RALYL: variants seen among roughly 807,000 people sequenced by gnomAD.
The protein encoded by RALYL is RNA-binding Raly-like protein.
RALYL carries 29 observed loss-of-function variants against 35.1 expected under a neutral mutation model. The observed-to-expected ratio is 0.83, with a 90% CI of 0.61 to 1.13. The LOEUF is 1.13. Ranked by LOEUF, RALYL falls within the 50% of genes most tolerant of loss-of-function variation. The pLI is 0.00. For missense variants in RALYL, 359 were observed against 360.4 expected (o/e 1.00, Z 0.03); for synonymous variants, 120 against 127.6 (o/e 0.94, Z 0.40).
chr8:84,731,385 C>G (rs767806888), intron 2 of RALYL, among the ~76,000 whole-genome samples: 5 of 152,086 alleles, frequency 3.3e-5, no homozygotes, highest in Admixed American at 1.3e-4. Context: ...GTAAAGTTTT[C>G]TGCTGTAAAA....
chr8:84,867,319 T>G (rs983352540), intron 6 of RALYL, among the ~76,000 whole-genome samples: 1 of 152,244 alleles, frequency 6.6e-6, no homozygotes, highest in Admixed American at 6.5e-5. Context: ...GTTATAGTTA[T>G]TTGTATGCAC....
chr8:84,800,771 G>T (rs1365081797), intron 3 of RALYL, among the ~76,000 whole-genome samples: 1 of 152,060 alleles, frequency 6.6e-6, no homozygotes, highest in East Asian at 1.9e-4. Context: ...TTCTACAAAG[G>T]AATATTCCTC....
chr8:84,636,908 C>T (rs1027061489), intron 2 of RALYL, among the ~76,000 whole-genome samples: 4 of 151,822 alleles, frequency 2.6e-5, no homozygotes, highest in African/African-American at 4.8e-5. Flanking sequence ...TGGCTTATTT[C>T]TCACCCCTTC....
chr8:84,402,144 A>G (rs1197962718), intron 1 of RALYL, among the ~76,000 whole-genome samples: 1 of 152,182 alleles, frequency 6.6e-6, no homozygotes, highest in African/African-American at 2.4e-5. Context: ...GCCAAGACAT[A>G]TCACTTTTGT....
intron 2 of RALYL, among the ~76,000 whole-genome samples, chr8:84,733,590 G>T (rs1431444854): frequency 6.6e-6 from 1 of 152,186 alleles, no homozygotes; most frequent in Non-Finnish European, 1.5e-5. Flanking sequence ...TAAGAAAAGA[G>T]TTAAAATTTA....
chr8:84,862,152 C>T (rs975533417), intron 5 of RALYL, 144 bp from the exon 6 acceptor site: 4 of 617,856 alleles, frequency 6.5e-6, no homozygotes, highest in African/African-American at 5.8e-5. Context: ...CCAATAAATA[C>T]CTGCATCTGA....
intron 2 of RALYL, among the ~76,000 whole-genome samples, chr8:84,624,086 C>T (rs1375984565): frequency 6.6e-6 from 1 of 152,156 alleles, no homozygotes; most frequent in African/African-American, 2.4e-5. Context: ...ATTCAACATC[C>T]CTCTCTGTCC....
At chr8:84,725,611 A>T (rs1844802661) in intron 2 of RALYL, among the ~76,000 whole-genome samples, 1 of 151,744 alleles carries the variant, frequency 6.6e-6, no homozygotes, top group Non-Finnish European at 1.5e-5. Context: ...TATATTCAGC[A>T]TGTTCTAGTT....
intron 2 of RALYL, among the ~76,000 whole-genome samples, chr8:84,666,783 A>G (rs1832151496): frequency 6.6e-6 from 1 of 152,090 alleles, no homozygotes; most frequent in African/African-American, 2.4e-5. Context: ...AGCAAGAAGA[A>G]AATGAATTAT....
intron 1 of RALYL, among the ~76,000 whole-genome samples, chr8:84,480,552 G>C (rs934338258): frequency 1.3e-5 from 2 of 152,076 alleles, no homozygotes; most frequent in Non-Finnish European, 2.9e-5. Context: ...ATGCTTTTTG[G>C]GAGAAAACAC....
chr8:84,333,411 A>G (rs901017619), intron 1 of RALYL, among the ~76,000 whole-genome samples: 3 of 152,184 alleles, frequency 2.0e-5, no homozygotes, highest in African/African-American at 7.2e-5. Flanking sequence ...TCTATCCCTT[A>G]GAAACATCTC....
At chr8:84,913,259 G>A (rs1466212002) in intron 8 of RALYL, among the ~76,000 whole-genome samples, 1 of 151,972 alleles carries the variant, frequency 6.6e-6, no homozygotes, top group Non-Finnish European at 1.5e-5. Flanking sequence ...CCAATGAACA[G>A]ATGATGTTAG....
At position 84,862,301 on chromosome 8, in the gene RALYL, T is replaced by TTGA; in HGVS notation, c.421_423dup (p.Asp141dup). The TTGA allele has an allele frequency of 6.4e-7, 1 of 1,553,238 alleles. No homozygotes were observed. Among genetic ancestry groups the TTGA allele is most frequent in the Non-Finnish European group, 8.7e-7 (1 of 1,150,730 alleles). ...CCCATTTGTGTTTTGTAAAGGTTATTTGATTACCACGGGCGTGTGCCTCCA... is the reference window on the plus strand; with the variant it reads ...CCCATTTGTGTTTTGTAAAGGTTATTTGATGATTACCACGGGCGTGTGCCTCCA... On this transcript the variant is annotated inframe_insertion, in exon 6 of 9. Coordinates refer to ENST00000521268, the MANE Select transcript of RALYL (RefSeq NM_173848.7).
At chr8:84,803,402 C>G (rs545474001) in intron 3 of RALYL, among the ~76,000 whole-genome samples, 1 of 152,094 alleles carries the variant, frequency 6.6e-6, no homozygotes, top group Non-Finnish European at 1.5e-5. Context: ...AAACATTTTT[C>G]GTTGCTTCAG....
chr8:84,757,159 T>G (rs1811622823), intron 2 of RALYL, among the ~76,000 whole-genome samples: 1 of 152,134 alleles, frequency 6.6e-6, no homozygotes, highest in African/African-American at 2.4e-5. Flanking sequence ...TTAGAGATAT[T>G]TTTGATAACC....
At chr8:84,864,755 G>A in intron 6 of RALYL, 1 of 600,184 alleles carries the variant, frequency 1.7e-6, no homozygotes, top group Non-Finnish European at 3.2e-6. Flanking sequence ...GGTTTACATG[G>A]TAGAAAACAG....
At chr8:84,332,073 C>G (rs1409310782) in intron 1 of RALYL, among the ~76,000 whole-genome samples, 3 of 152,190 alleles carry the variant, frequency 2.0e-5, no homozygotes, top group South Asian at 2.1e-4. Context: ...TTTTTCTCTG[C>G]CTTTCACATC....
At chr8:84,842,665 A>C (rs1307967026) in intron 4 of RALYL, among the ~76,000 whole-genome samples, 1 of 152,186 alleles carries the variant, frequency 6.6e-6, no homozygotes, top group Non-Finnish European at 1.5e-5. Context: ...GACACAACAG[A>C]AAAAGAGAAT....
At chr8:84,202,403 T>C (rs1817070462) in intron 1 of RALYL, among the ~76,000 whole-genome samples, 1 of 148,552 alleles carries the variant, frequency 6.7e-6, no homozygotes, top group Non-Finnish European at 1.5e-5. Context: ...AGACAAGTCT[T>C]GCTCTGTCGC....
Sources: gnomAD v4.1 joint callset for allele counts (sites outside exome capture counted in the v4.1 genomes callset) on GRCh38, gnomAD v4.1.1 for gene constraint, MANE v1.5 for transcripts, NCBI Gene and HGNC (gene_info 2026-07-23, HGNC 2026-07-21) for gene names.